The following NECAB2 variants were observed in gnomAD, a reference collection of about 807,000 sequenced individuals.
NECAB2 encodes the protein N-terminal EF-hand calcium-binding protein 2.
NECAB2 carries 68 observed loss-of-function variants against 51.9 expected under a neutral mutation model. The ratio of observed to expected loss-of-function variants is 1.31; its 90% CI spans 1.08 to 1.60. The LOEUF (loss-of-function observed/expected upper bound fraction) is 1.60. NECAB2 is among the 40% of genes most tolerant of loss of function. The pLI, the probability that NECAB2 is intolerant of heterozygous loss-of-function variation, is 0.00. For synonymous variants in NECAB2, 329 were observed against 203.5 expected, an observed-to-expected ratio of 1.62 and a Z score of -5.25; for missense variants, 854 against 490.3, an observed-to-expected ratio of 1.74 and a Z score of -7.00.
Position 84,002,578 on chromosome 16 carries a change from TTCCTGGAGCCAGCACCCCTGCC to T in NECAB2, c.*239_*260del, listed in dbSNP as rs2084860297. The T allele has an allele frequency of 1.7e-6, 1 of 601,962 alleles. No homozygotes were observed. Among genetic ancestry groups the T allele is most frequent in the Admixed American group, 2.9e-5 (1 of 34,036 alleles). 37.3% of individuals were successfully genotyped at this position (601,962 alleles called of 1,614,324 possible). A position where few individuals can be genotyped will look rare whatever the true frequency, so the allele number is the denominator to read the frequency against. ...GAAGCCCAAGGTTGAAGGGGGCGGC[TTCCTGGAGCCAGCACCCCTGCC>T]TCCTGGTCCTGGCCTCTCCCCTACC... is the stretch of plus-strand genomic sequence containing the variant. On this transcript the variant is annotated 3_prime_UTR_variant, in exon 13 of 13. Coordinates refer to ENST00000305202, the MANE Select transcript of NECAB2 (RefSeq NM_019065.3).
intron 2 of NECAB2, among the ~76,000 whole-genome samples, chr16:83,972,465 CT>C (rs1279807586): frequency 2.0e-5 from 3 of 152,188 alleles, no homozygotes; most frequent in African/African-American, 7.2e-5. Context: ...GCTGGGTGTA[CT>C]TTAGGCCTTT....
chr16:83,994,215 G>T, intron 6 of NECAB2, 87 bp from the exon 7 acceptor site: 1 of 1,207,096 alleles, frequency 8.3e-7, no homozygotes, highest in Non-Finnish European at 1.2e-6. Flanking sequence ...ACTGTCTTGC[G>T]TAATAAATGC....
At chr16:83,980,139 G>A (rs978080539) in intron 3 of NECAB2, among the ~76,000 whole-genome samples, 3 of 152,214 alleles carry the variant, frequency 2.0e-5, no homozygotes, top group Non-Finnish European at 2.9e-5. Flanking sequence ...GGCCACCACC[G>A]TATTGGGTCC....
At chr16:83,983,277 A>C (rs9933914) in intron 5 of NECAB2, among the ~76,000 whole-genome samples, 212 of 152,312 alleles carry the variant, frequency 1.4e-3, no homozygotes, top group African/African-American at 4.7e-3. Flanking sequence ...AAGCCGCAGC[A>C]TCAGTTATTA....
At position 83,981,350 on chromosome 16, in the gene NECAB2, C is replaced by A. The variant is rs1052236587; in HGVS notation, c.459+223C>A. Among the ~76,000 whole-genome samples the A allele has an allele frequency of 2.0e-5, 3 of 152,102 alleles. No homozygotes were observed. The East Asian group carries it at 5.8e-4, about 30-fold the overall frequency. On this transcript the variant is annotated intron_variant, in intron 5 of 12. Transcript: ENST00000305202. The stretch of plus-strand genomic sequence containing the variant: ...GGAGCAGGAGGCATTTTCCCGGAAT[C>A]AGGCCTGATCCTGGGCTGGGGCCTT...
intron 1 of NECAB2, 98 bp from the exon 2 acceptor site, chr16:83,972,053 T>C (rs927009170): frequency 1.9e-6 from 3 of 1,540,886 alleles, no homozygotes; most frequent in Non-Finnish European, 2.7e-6. Flanking sequence ...CCTAAGCTGC[T>C]CCTGGGAGAA....
chr16:83,999,207 TGCG>T (rs1567679701), intron 10 of NECAB2, among the ~76,000 whole-genome samples: 1 of 151,546 alleles, frequency 6.6e-6, no homozygotes, highest in African/African-American at 2.4e-5. Flanking sequence ...TGGGCAGGAG[TGCG>T]GCCGTTCCCG....
At chr16:83,998,801 T>TCTCCCTCTC (rs1555549550) in intron 10 of NECAB2, among the ~76,000 whole-genome samples, 9 of 151,826 alleles carry the variant, frequency 5.9e-5, no homozygotes, top group African/African-American at 2.2e-4. Flanking sequence ...TAGTTGCCCT[T>TCTCCCTCTC]CTCCCCCTGA....
At chr16:83,972,589 G>A (rs1329099641) in intron 2 of NECAB2, among the ~76,000 whole-genome samples, 5 of 152,186 alleles carry the variant, frequency 3.3e-5, no homozygotes, top group African/African-American at 1.2e-4. Context: ...GTTCTTCATC[G>A]TAGCAACCTG....
At chr16:83,995,872 C>A (rs531113710) in intron 8 of NECAB2, among the ~76,000 whole-genome samples, 1 of 152,194 alleles carries the variant, frequency 6.6e-6, no homozygotes, top group Admixed American at 6.5e-5. Flanking sequence ...TCGGAGGGGA[C>A]CCCGTGGCCC....
At position 83,980,781 on chromosome 16, in the gene NECAB2, C is replaced by T. The variant is rs1041405227; in HGVS notation, c.336-58C>T. ...GTGTGTTTCGCAGGCTGTGCAGGGT[C>T]AGGCCTGCTAACCCCCTCTCTGTCT... is the stretch of plus-strand genomic sequence containing the variant. On this transcript the variant is annotated intron_variant, in intron 3 of 12. Coordinates refer to ENST00000305202, the MANE Select transcript of NECAB2 (RefSeq NM_019065.3). 15 of 1,540,186 alleles carry T rather than the reference C, an allele frequency of 9.7e-6. No homozygotes were observed. The African/African-American group carries it at 2.1e-4, about 21-fold the overall frequency.
intron 1 of NECAB2, among the ~76,000 whole-genome samples, chr16:83,971,081 G>A (rs1465805705): frequency 3.5e-5 from 5 of 144,828 alleles, no homozygotes; most frequent in African/African-American, 5.7e-5. Context: ...GTGACAGAGC[G>A]AGACCCCATC....
At chr16:83,966,174 C>A (rs1597186243), upstream of NECAB2, 1 of 620,804 alleles carries the variant, frequency 1.6e-6, no homozygotes, top group Non-Finnish European at 2.8e-6. Context: ...GGACTTAGAC[C>A]AGTGTCTGAG....
rs753232586 is a variant in NECAB2 at position 84,001,799 on chromosome 16, G to A, written c.1041-26G>A. Reference sequence around the variant, plus strand: ...GCGGAGCTCCACTCCTGCCACCCCTGACTCACACATGTCCCTGCGTCACAG... The same window carrying A: ...GCGGAGCTCCACTCCTGCCACCCCTAACTCACACATGTCCCTGCGTCACAG... On this transcript the variant is annotated intron_variant, in intron 11 of 12. Transcript: ENST00000305202. The A allele has an allele frequency of 5.6e-6, 9 of 1,613,110 alleles. No individual in the cohort carries two copies. The East Asian group carries it at 2.0e-4, about 36-fold the overall frequency.
chr16:84,000,958 C>G (rs1038297213), intron 11 of NECAB2, among the ~76,000 whole-genome samples, 157 bp downstream of exon 11: 6 of 122,074 alleles, frequency 4.9e-5, no homozygotes, highest in African/African-American at 3.5e-4. Flanking sequence ...TCAGTAAACC[C>G]TGGTGGAGGC....
At chr16:84,002,120 C>T (rs2084848822) in intron 12 of NECAB2, among the ~76,000 whole-genome samples, 198 bp from the exon 13 acceptor site, 1 of 152,206 alleles carries the variant, frequency 6.6e-6, no homozygotes, top group Admixed American at 6.5e-5. Flanking sequence ...AGAGCACCCC[C>T]TCCACGGCCC....
intron 8 of NECAB2, 141 bp downstream of exon 8, chr16:83,994,829 A>G: frequency 1.0e-6 from 1 of 981,572 alleles, no homozygotes; most frequent in Non-Finnish European, 1.5e-6. Flanking sequence ...TGGGGCGTGG[A>G]GCTGCCGAGG....
In NECAB2 at chr16:83,978,652, G is replaced by C. The variant is rs960841759; in HGVS notation, c.335+100G>C. On this transcript the variant is annotated intron_variant, in intron 3 of 12. Coordinates refer to ENST00000305202, the MANE Select transcript of NECAB2 (RefSeq NM_019065.3). The stretch of plus-strand genomic sequence containing the variant: ...GTTCCTAGTCCCCTGTAAGGGGCAG[G>C]AGAACTGAAAATCCCCAAATTTGCT... 1.0e-5 allele frequency: 11 copies of C among 1,055,004 alleles called. No individual in the cohort carries two copies. The Admixed American group carries it at 2.4e-4, about 23-fold the overall frequency. The allele number at this position is 1,055,004 out of a possible 1,614,324, so 65.4% of individuals were successfully genotyped here.
chr16:83,984,660 A>C (rs890257262), intron 5 of NECAB2, among the ~76,000 whole-genome samples: 4 of 151,958 alleles, frequency 2.6e-5, no homozygotes, highest in African/African-American at 9.7e-5. Context: ...GAGCCTGGGA[A>C]GTCGAGGCTG....
Sources: allele counts gnomAD v4.1 joint callset (sites outside exome capture counted in the v4.1 genomes callset), GRCh38; gene constraint gnomAD v4.1.1; transcripts MANE v1.5; gene names NCBI Gene and HGNC (gene_info 2026-07-23, HGNC 2026-07-21).